WDR76: variants seen among roughly 807,000 people sequenced by gnomAD.
WDR76 encodes WD repeat domain 76.
A neutral mutation model predicts 70.2 loss-of-function variants in WDR76; 52 were observed. That is an observed-to-expected ratio of 0.74 (90% CI 0.59 to 0.93). The LOEUF (loss-of-function observed/expected upper bound fraction) is 0.93. Ranked by LOEUF, WDR76 falls within the 40% of genes least tolerant of loss-of-function variation. WDR76 has a pLI of 0.00. For synonymous variants in WDR76, 292 were observed against 271.1 expected, an observed-to-expected ratio of 1.08 and a Z score of -0.76; for missense variants, 756 against 760.2, an observed-to-expected ratio of 0.99 and a Z score of 0.07.
rs754415784 is a variant in WDR76 at position 43,858,637 on chromosome 15, A to G, written c.1410-34A>G. ...GTTGTAGAGGTTCATTACATGTACT[A>G]TGGCAACATTGATCATTGTTTCTCC... On this transcript the variant is annotated intron_variant, in intron 10 of 12. Transcript: ENST00000263795. 9 of 1,608,496 alleles carry G rather than the reference A, an allele frequency of 5.6e-6. No homozygotes were observed. In the Admixed American group the frequency reaches 6.7e-5, roughly 12 times the overall value.
At chr15:43,830,714 C>T (rs2087577061) in intron 2 of WDR76, among the ~76,000 whole-genome samples, 2 of 151,686 alleles carry the variant, frequency 1.3e-5, no homozygotes, top group Admixed American at 6.6e-5. Context: ...AGTTCCAGAC[C>T]AGCCTGCCCA....
intron 4 of WDR76, among the ~76,000 whole-genome samples, chr15:43,837,108 T>C (rs2087666937): frequency 6.6e-6 from 1 of 151,894 alleles, no homozygotes; most frequent in Non-Finnish European, 1.5e-5. Context: ...AAGTGGTAGC[T>C]TTAGGATTTG....
rs763071525 is a variant in WDR76, at chr15:43,857,002, C to T, written c.1248C>T (p.Ala416=). 2.5e-6 allele frequency: 4 copies of T among 1,614,068 alleles called. No homozygotes were observed. Among genetic ancestry groups the T allele is most frequent in the African/African-American group, 2.7e-5 (2 of 75,046 alleles). Residue 416 remains alanine (A), a synonymous_variant, in exon 10 of 13, where the codon GCC becomes GCT. Coordinates refer to ENST00000263795, the MANE Select transcript of WDR76 (RefSeq NM_024908.4). ...CCTTCGACTTCTTGGCAGAAGATGC[C>T]TCCACTTTAATAGTAGGACACTGGG... ...FSSFDFLAED[A]STLIVGHWDG... is the part of the protein sequence containing the mutation.
At chr15:43,837,752 C>T (rs2087675046) in intron 4 of WDR76, among the ~76,000 whole-genome samples, 1 of 152,104 alleles carries the variant, frequency 6.6e-6, no homozygotes, top group Non-Finnish European at 1.5e-5. Flanking sequence ...CAGGTCCCAT[C>T]CATGTACCTG....
At chr15:43,828,657 T>C (rs903365475) in intron 2 of WDR76, among the ~76,000 whole-genome samples, 6 of 152,228 alleles carry the variant, frequency 3.9e-5, no homozygotes, top group Non-Finnish European at 5.9e-5. Context: ...TTAGTCATAC[T>C]TTATGGTGCC....
chr15:43,851,228 A>G lies in WDR76; in HGVS notation c.1174A>G (p.Arg392Gly). 1 of 1,614,058 alleles carries G rather than the reference A, an allele frequency of 6.2e-7. No individual in the cohort carries two copies. Among genetic ancestry groups the G allele is most frequent in the Non-Finnish European group, 8.5e-7 (1 of 1,180,006 alleles). ...CACGTTACGCTGTGGGGATTTTTCC[A>G]GGGCTATTTTTGAAGAGGTAAATGT... ...DGTLRCGDFS[R>G]AIFEEVYRNE... The change falls in exon 9 of 13, where the codon AGG becomes GGG. Residue 392 changes from arginine to glycine, a missense_variant. Transcript: ENST00000263795.
At chr15:43,836,846 C>G (rs576664580) in intron 4 of WDR76, among the ~76,000 whole-genome samples, 1 of 146,816 alleles carries the variant, frequency 6.8e-6, no homozygotes, top group Non-Finnish European at 1.5e-5. Flanking sequence ...GCCTGACCAA[C>G]ATGGAGAAAC....
rs537982300 is a variant in WDR76, at chr15:43,841,908, C to T, written c.733-507C>T. Among the ~76,000 whole-genome samples, 10 of 151,886 alleles carry T rather than the reference C, an allele frequency of 6.6e-5. No individual in the cohort carries two copies. In the South Asian group the frequency reaches 2.1e-3, roughly 32 times the overall value. ...TTTGAGATGGAGTCTTGCCCTGTCA[C>T]CCAGGCTGGAGTGCAATAGTGCAGT... On this transcript the variant is annotated intron_variant, in intron 5 of 12. Coordinates refer to ENST00000263795, the MANE Select transcript of WDR76 (RefSeq NM_024908.4).
chr15:43,828,155 CTAAAA>C lies in WDR76; in HGVS notation c.256_260del (p.Ile86GlufsTer32), dbSNP rs1217544283. On this transcript the variant is annotated frameshift_variant, in exon 2 of 13. Transcript: ENST00000263795. LOFTEE classifies it high-confidence loss of function. ...AACAATGAAGTGGCGTGTAAGAAGA[CTAAAA>C]TAAAGAAAACTTGCAGAAGGATTAT... is the stretch of plus-strand genomic sequence containing the variant. 2 of 1,613,862 alleles carry C rather than the reference CTAAAA, an allele frequency of 1.2e-6. No homozygotes were observed. Among genetic ancestry groups the C allele is most frequent in the Non-Finnish European group, 1.7e-6 (2 of 1,180,004 alleles).
intron 2 of WDR76, 75 bp downstream of exon 2, chr15:43,828,441 G>T: frequency 2.1e-6 from 3 of 1,397,218 alleles, no homozygotes; most frequent in Non-Finnish European, 1.9e-6. Flanking sequence ...GAAGTTTTTC[G>T]AGGATCTCTC....
At chr15:43,848,663 G>A (rs1173418757) in intron 8 of WDR76, among the ~76,000 whole-genome samples, 6 of 152,244 alleles carry the variant, frequency 3.9e-5, no homozygotes, top group South Asian at 4.1e-4. Context: ...GAACAAGGCC[G>A]GGCGCAGTGG....
At chr15:43,860,591 C>G (rs2087983360) in intron 11 of WDR76, among the ~76,000 whole-genome samples, 1 of 152,058 alleles carries the variant, frequency 6.6e-6, no homozygotes, top group Non-Finnish European at 1.5e-5. Context: ...CTCCAGCCAA[C>G]TTACGGGCTC....
At chr15:43,849,811 C>T (rs2087833981) in intron 8 of WDR76, among the ~76,000 whole-genome samples, 1 of 152,182 alleles carries the variant, frequency 6.6e-6, no homozygotes, top group Non-Finnish European at 1.5e-5. Flanking sequence ...GCTGGGATTA[C>T]AGGTGAGCCA....
rs997039249 is a variant in WDR76 at position 43,867,084 on chromosome 15, C to T, written c.*692C>T. On this transcript the variant is annotated 3_prime_UTR_variant, in exon 13 of 13. Coordinates refer to ENST00000263795, the MANE Select transcript of WDR76 (RefSeq NM_024908.4). ...TTTATAATGAATACTTATTTCTAGA[C>T]TCATACACTGGAAGGGGACCCGGAA... 1 of 152,172 alleles carries T rather than the reference C, an allele frequency of 6.6e-6. No individual in the cohort carries two copies. The highest frequency in any genetic ancestry group is 1.5e-5 in the Non-Finnish European group (1 of 68,046). The allele number at this position is 152,172 out of a possible 1,614,324, so 9.4% of individuals were successfully genotyped here. A position where few individuals can be genotyped will look rare whatever the true frequency, so the allele number is the denominator to read the frequency against.
At chr15:43,862,495 T>TG (rs2088014522) in intron 12 of WDR76, among the ~76,000 whole-genome samples, 1 of 147,438 alleles carries the variant, frequency 6.8e-6, no homozygotes, top group African/African-American at 2.6e-5. Context: ...TTTCTGTTTT[T>TG]TTTTTTGTTT....
At chr15:43,830,430 C>T (rs1215876137) in intron 2 of WDR76, among the ~76,000 whole-genome samples, 1 of 151,890 alleles carries the variant, frequency 6.6e-6, no homozygotes, top group Non-Finnish European at 1.5e-5. Context: ...GGCGTGGTGG[C>T]ACAGGCCTGT....
intron 2 of WDR76, among the ~76,000 whole-genome samples, chr15:43,829,715 C>G (rs948643400): frequency 6.6e-5 from 10 of 151,490 alleles, no homozygotes; most frequent in African/African-American, 2.4e-4. Flanking sequence ...ACCATGTTCG[C>G]CAGGATGGTC....
intron 7 of WDR76, among the ~76,000 whole-genome samples, chr15:43,843,411 G>A (rs908006645): frequency 2.0e-5 from 3 of 152,100 alleles, no homozygotes; most frequent in African/African-American, 4.8e-5. Context: ...AGTAGAAGGA[G>A]TTCACTTCTC....
At position 43,857,095 on chromosome 15, in the gene WDR76, T is replaced by C. The variant is rs1356146217; in HGVS notation, c.1341T>C (p.Ser447=). The change falls in exon 10 of 13, where the codon TCT becomes TCC. Residue 447 remains serine (S), a synonymous_variant. Coordinates refer to ENST00000263795, the MANE Select transcript of WDR76 (RefSeq NM_024908.4). The stretch of plus-strand genomic sequence containing the variant: ...CTTATGAGAAACTTACCAGTTCTTC[T>C]ATGGGAAAAATAAGAACTGTTCATG... ...GTSYEKLTSS[S]MGKIRTVHVH... is the part of the protein sequence containing the mutation. 3 of 1,614,004 alleles carry C rather than the reference T, an allele frequency of 1.9e-6. No individual in the cohort carries two copies. Among genetic ancestry groups the C allele is most frequent in the Admixed American group, 3.3e-5 (2 of 60,002 alleles).
Sources: allele counts gnomAD v4.1 joint callset (sites outside exome capture counted in the v4.1 genomes callset), GRCh38; gene constraint gnomAD v4.1.1; transcripts MANE v1.5; gene names NCBI Gene and HGNC (gene_info 2026-07-23, HGNC 2026-07-21).